CADPS2: variants seen among roughly 807,000 people sequenced by gnomAD.
CADPS2 encodes the protein calcium dependent secretion activator 2.
In CADPS2, 93 loss-of-function variants were observed where a neutral mutation model predicts 172.5. That is an observed-to-expected ratio of 0.54 (90% CI 0.46 to 0.64). The LOEUF is 0.64. Ranked by LOEUF, CADPS2 falls within the 30% of genes least tolerant of loss-of-function variation. The pLI is 0.00. For synonymous variants in CADPS2, 546 were observed against 555.2 expected (o/e 0.98, Z 0.23); for missense variants, 1,420 against 1,565.9 (o/e 0.91, Z 1.57).
At chr7:122,674,584 A>AG (rs2082212545) in intron 2 of CADPS2, among the ~76,000 whole-genome samples, 1 of 152,242 alleles carries the variant, frequency 6.6e-6, no homozygotes, top group Non-Finnish European at 1.5e-5. Context: ...TATATCTGCC[A>AG]AAAGTAAGTC....
At chr7:122,407,834 T>C (rs1039455435) in intron 19 of CADPS2, 138 bp from the exon 20 acceptor site, 28 of 817,838 alleles carry the variant, frequency 3.4e-5, no homozygotes, top group East Asian at 1.1e-4. Context: ...TAATAGTTTT[T>C]AACCTGAGAA....
At chr7:122,465,874 C>T (rs2055068458) in intron 14 of CADPS2, among the ~76,000 whole-genome samples, 1 of 152,066 alleles carries the variant, frequency 6.6e-6, no homozygotes, top group Admixed American at 6.5e-5. Flanking sequence ...AAATAACAAG[C>T]CAATTTTGTA....
intron 2 of CADPS2, among the ~76,000 whole-genome samples, chr7:122,733,471 A>T (rs1283771129): frequency 6.6e-6 from 1 of 151,846 alleles, no homozygotes; most frequent in African/African-American, 2.4e-5. Flanking sequence ...TATGGTTCTC[A>T]AATGACAATG....
At chr7:122,532,543 C>A (rs1175831397) in intron 8 of CADPS2, among the ~76,000 whole-genome samples, 1 of 147,374 alleles carries the variant, frequency 6.8e-6, no homozygotes, top group Non-Finnish European at 1.5e-5. Flanking sequence ...CCCCCACCCC[C>A]CTACCCCGCC....
chr7:122,826,836 G>GA (rs889906317), intron 1 of CADPS2, among the ~76,000 whole-genome samples: 19 of 148,810 alleles, frequency 1.3e-4, no homozygotes, highest in South Asian at 4.2e-4. Context: ...GCATAGATTA[G>GA]AAAAAAAAAT....
chr7:122,772,132 A>G (rs553354694), intron 1 of CADPS2, among the ~76,000 whole-genome samples: 1 of 152,314 alleles, frequency 6.6e-6, no homozygotes, highest in Admixed American at 6.5e-5. Context: ...ATGTTAATGT[A>G]ATACTGCTTA....
rs560442528 is a variant in CADPS2 at position 122,793,588 on chromosome 7, C to T, written c.340-56520G>A. ...GGTCTTGCTTTTTTATCCAGCTTAA[C>T]ATGGTGTGTCTTTTAATTGGGACAT... On this transcript the variant is annotated intron_variant, in intron 1 of 29. Transcript: ENST00000449022. 3.4e-4 allele frequency among the ~76,000 whole-genome samples: 52 copies of T among 152,266 alleles called. 2 individuals are homozygous for T. In the South Asian group the frequency reaches 0.01, roughly 30 times the overall value.
In CADPS2 at chr7:122,755,263, C is replaced by T. The variant is rs182168940; in HGVS notation, c.340-18195G>A. On this transcript the variant is annotated intron_variant, in intron 1 of 29. Transcript: ENST00000449022. ...CAAGGTACCAAGCAAACCATGCTGA[C>T]GTCTTTCCTTAATAAATTCATCTTA... is the stretch of plus-strand genomic sequence containing the variant. 1.1e-4 allele frequency among the ~76,000 whole-genome samples: 17 copies of T among 152,218 alleles called. No individual in the cohort carries two copies. In the East Asian group the frequency reaches 2.7e-3, roughly 24 times the overall value.
intron 13 of CADPS2, 126 bp from the exon 14 acceptor site, chr7:122,471,688 A>G: frequency 1.3e-6 from 1 of 781,938 alleles, no homozygotes; most frequent in Non-Finnish European, 2.0e-6. Flanking sequence ...TTATTTTATT[A>G]GTGGTATGTT....
At chr7:122,351,582 T>C (rs897935020) in intron 27 of CADPS2, among the ~76,000 whole-genome samples, 1 of 151,758 alleles carries the variant, frequency 6.6e-6, no homozygotes, top group Non-Finnish European at 1.5e-5. Flanking sequence ...AGCTTTTAGA[T>C]TTAGAGCATG....
At chr7:122,424,982 A>T (rs187702564) in intron 17 of CADPS2, among the ~76,000 whole-genome samples, 29 of 152,102 alleles carry the variant, frequency 1.9e-4, no homozygotes, top group Middle Eastern at 3.4e-3. Flanking sequence ...AGCTTTTTTT[A>T]AAAAAATTAT....
At chr7:122,469,237 G>A (rs1480773092) in intron 14 of CADPS2, among the ~76,000 whole-genome samples, 1 of 152,096 alleles carries the variant, frequency 6.6e-6, no homozygotes, top group East Asian at 1.9e-4. Flanking sequence ...ATATTTTGGG[G>A]GCACATTAGC....
At chr7:122,718,487 A>G (rs763138158) in intron 2 of CADPS2, among the ~76,000 whole-genome samples, 2 of 152,110 alleles carry the variant, frequency 1.3e-5, no homozygotes, top group African/African-American at 2.4e-5. Flanking sequence ...CAGGACAGGA[A>G]AAGTTCAGAT....
Position 122,647,674 on chromosome 7 carries a change from C to T in CADPS2, c.786+15563G>A, listed in dbSNP as rs1034655090. Reference sequence around the variant, plus strand: ...CCAAGAAGATATTAATCAGATAAAACGCATTAAATATCACTGATACTATTT... The same window carrying T: ...CCAAGAAGATATTAATCAGATAAAATGCATTAAATATCACTGATACTATTT... On this transcript the variant is annotated intron_variant, in intron 3 of 29. Transcript: ENST00000449022. Among the ~76,000 whole-genome samples the T allele has an allele frequency of 3.0e-4, 46 of 152,148 alleles. No homozygotes were observed. The East Asian group carries it at 5.6e-3, about 19-fold the overall frequency.
At chr7:122,857,384 A>T (rs139181771) in intron 1 of CADPS2, among the ~76,000 whole-genome samples, 1 of 152,356 alleles carries the variant, frequency 6.6e-6, no homozygotes, top group East Asian at 1.9e-4. Context: ...AACAAAAAAT[A>T]GTAAAAACTG....
At chr7:122,407,754 A>T (rs2046824962) in intron 19 of CADPS2, 58 bp from the exon 20 acceptor site, 1 of 1,431,454 alleles carries the variant, frequency 7.0e-7, no homozygotes, top group Non-Finnish European at 9.6e-7. Flanking sequence ...AAACATGCAC[A>T]AGTACTGTGC....
At chr7:122,728,394 A>G (rs1479320253) in intron 2 of CADPS2, among the ~76,000 whole-genome samples, 1 of 151,946 alleles carries the variant, frequency 6.6e-6, no homozygotes, top group Non-Finnish European at 1.5e-5. Context: ...AAGAAGAGAG[A>G]TAAGTGAAAT....
At chr7:122,368,974 T>G (rs2041347193) in intron 25 of CADPS2, among the ~76,000 whole-genome samples, 1 of 152,192 alleles carries the variant, frequency 6.6e-6, no homozygotes, top group South Asian at 2.1e-4. Context: ...CCAACTTTTC[T>G]GATGATCCCA....
At chr7:122,725,447 A>G (rs770177811) in intron 2 of CADPS2, among the ~76,000 whole-genome samples, 4 of 151,846 alleles carry the variant, frequency 2.6e-5, no homozygotes, top group Non-Finnish European at 5.9e-5. Context: ...TAGTTGTGTT[A>G]TATCATGGAT....
Sources: allele counts gnomAD v4.1 joint callset (sites outside exome capture counted in the v4.1 genomes callset), GRCh38; gene constraint gnomAD v4.1.1; transcripts MANE v1.5; gene names NCBI Gene and HGNC (gene_info 2026-07-23, HGNC 2026-07-21).